The following TCF7L1 variants were observed in gnomAD, a reference collection of about 807,000 sequenced individuals.
The protein encoded by TCF7L1 is transcription factor 7 like 1, also known as transcription factor 7-like 1.
Under a neutral mutation model 63.7 loss-of-function variants are expected in TCF7L1, and 18 were observed. That is an observed-to-expected ratio of 0.28 (90% CI 0.20 to 0.42). TCF7L1 has a LOEUF of 0.42. Among genes scored for constraint, TCF7L1 ranks in the 10% least tolerant of loss-of-function variants. The pLI is 1.00. For synonymous variants in TCF7L1, 355 were observed against 340.9 expected, an observed-to-expected ratio of 1.04 and a Z score of -0.46; for missense variants, 654 against 779.3, an observed-to-expected ratio of 0.84 and a Z score of 1.91.
Position 85,134,066 on chromosome 2 carries a change from C to T in TCF7L1, c.300C>T (p.Asp100=). 2 of 1,610,378 alleles carry T rather than the reference C, an allele frequency of 1.2e-6. No individual in the cohort carries two copies. The highest frequency in any genetic ancestry group is 2.2e-5 in the South Asian group (2 of 90,584). ...GGGACACTTTCCAGAAGCCGCGGGA[C>T]TATTTCGCCGAAGGTATGTGCCCGC... ...PVRDTFQKPR[D]YFAEVRRPQD... is the part of the protein sequence containing the mutation. Residue 100 remains aspartate, a synonymous_variant, in exon 2 of 12, where the codon GAC becomes GAT. Coordinates refer to ENST00000282111, the MANE Select transcript of TCF7L1 (RefSeq NM_031283.3). The surrounding 1 kb of genome is among the most constrained non-coding windows in gnomAD (Gnocchi z 5.0).
intron 3 of TCF7L1, among the ~76,000 whole-genome samples, chr2:85,159,603 C>A (rs1678234114): frequency 1.3e-5 from 2 of 152,248 alleles, no homozygotes; most frequent in South Asian, 4.1e-4. Flanking sequence ...CCTGCCCTCT[C>A]CTTTGCTTGT....
rs1679713420 is a variant in TCF7L1, at chr2:85,216,436, TCGGAAACGATGGATTC to T, written c.442-67057_442-67042del. On this transcript the variant is annotated intron_variant, in intron 3 of 11. Transcript: ENST00000282111. ...TCGCGCCCTGCTGTGCTTGGAGTTT[TCGGAAACGATGGATTC>T]CAAACAACTTCCAGTGAGCAATTGG... Among the ~76,000 whole-genome samples, 3 of 152,320 alleles carry T rather than the reference TCGGAAACGATGGATTC, an allele frequency of 2.0e-5. No homozygotes were observed. The South Asian group carries it at 6.2e-4, about 32-fold the overall frequency.
chr2:85,160,305 A>G (rs1678255609), intron 3 of TCF7L1, among the ~76,000 whole-genome samples: 1 of 152,152 alleles, frequency 6.6e-6, no homozygotes, highest in Non-Finnish European at 1.5e-5. Flanking sequence ...CTTCTGATGT[A>G]GGATAAAGAC....
chr2:85,180,747 T>G (rs751342556), intron 3 of TCF7L1, among the ~76,000 whole-genome samples: 5 of 152,226 alleles, frequency 3.3e-5, no homozygotes, highest in Non-Finnish European at 7.3e-5. Context: ...TATCTGTATT[T>G]ATTCACTCGT....
intron 3 of TCF7L1, among the ~76,000 whole-genome samples, chr2:85,162,989 A>G (rs925964028): frequency 1.3e-5 from 2 of 152,184 alleles, no homozygotes; most frequent in African/African-American, 4.8e-5. Flanking sequence ...GACTCCAGGC[A>G]GCCCCAGAGC....
chr2:85,202,169 G>A (rs1679287335), intron 3 of TCF7L1, among the ~76,000 whole-genome samples: 1 of 151,920 alleles, frequency 6.6e-6, no homozygotes, highest in Admixed American at 6.5e-5. Flanking sequence ...TCACCGTGTT[G>A]GCCAGGCTGG....
chr2:85,140,284 G>T (rs577810222), intron 3 of TCF7L1, among the ~76,000 whole-genome samples: 2 of 152,276 alleles, frequency 1.3e-5, no homozygotes, highest in Non-Finnish European at 2.9e-5. Flanking sequence ...CTCATTGGGA[G>T]GAACCCTCGG....
chr2:85,197,702 A>G (rs61276534), intron 3 of TCF7L1, among the ~76,000 whole-genome samples: 13,314 of 152,272 alleles, frequency 0.087, 1,058 homozygotes, highest in African/African-American at 0.21. Context: ...GGATGCAGCA[A>G]AACACCTTTG....
chr2:85,303,004 A>G (rs921908569), intron 5 of TCF7L1, among the ~76,000 whole-genome samples: 4 of 152,162 alleles, frequency 2.6e-5, no homozygotes, highest in Admixed American at 6.5e-5. Flanking sequence ...CAGAAGTGCA[A>G]CCGTAAAGCA....
intron 4 of TCF7L1, among the ~76,000 whole-genome samples, chr2:85,299,203 C>T (rs1341773907): frequency 1.3e-5 from 2 of 151,992 alleles, no homozygotes; most frequent in African/African-American, 4.8e-5. Flanking sequence ...TTTGCTAATA[C>T]TATCACCAGT....
At chr2:85,137,675 C>T (rs1451731642) in intron 3 of TCF7L1, among the ~76,000 whole-genome samples, 5 of 152,040 alleles carry the variant, frequency 3.3e-5, no homozygotes, top group Non-Finnish European at 7.4e-5. Context: ...GGCGGATCAC[C>T]TGAGGTCGGG....
chr2:85,146,279 C>T (rs1677878286), intron 3 of TCF7L1, among the ~76,000 whole-genome samples: 1 of 152,064 alleles, frequency 6.6e-6, no homozygotes, highest in Non-Finnish European at 1.5e-5. Context: ...GAGTCACCTC[C>T]CCAGAAGGTG....
intron 3 of TCF7L1, among the ~76,000 whole-genome samples, chr2:85,225,703 T>C (rs1057032548): frequency 3.3e-5 from 5 of 152,246 alleles, no homozygotes; most frequent in Non-Finnish European, 7.3e-5. Context: ...TTTCTAAATA[T>C]ACAGTCATGT....
chr2:85,306,535 A>C lies in TCF7L1; in HGVS notation c.1233A>C (p.Pro411=). 6.2e-7 allele frequency: 1 copy of C among 1,614,202 alleles called. No homozygotes were observed. Among genetic ancestry groups the C allele is most frequent in the Middle Eastern group, 1.7e-4 (1 of 6,060 alleles). The change falls in exon 10 of 12, where the codon CCA becomes CCC. Residue 411 remains proline (P), a synonymous_variant. Coordinates refer to ENST00000282111, the MANE Select transcript of TCF7L1 (RefSeq NM_031283.3). The surrounding 1 kb of genome is among the most constrained non-coding windows in gnomAD (Gnocchi z 4.3). ...KERQLHSQLY[P]TWSARDNYGK... The stretch of plus-strand genomic sequence containing the variant: ...GGCAGCTTCACTCGCAGCTCTACCC[A>C]ACCTGGTCAGCCCGGGACAACTATG...
intron 3 of TCF7L1, among the ~76,000 whole-genome samples, chr2:85,279,312 A>G (rs961111797): frequency 6.6e-6 from 1 of 152,242 alleles, no homozygotes; most frequent in Non-Finnish European, 1.5e-5. Flanking sequence ...TAATCCCAGC[A>G]CTTTGCGAGA....
chr2:85,153,016 A>G (rs75506837), intron 3 of TCF7L1, among the ~76,000 whole-genome samples: 2,071 of 152,338 alleles, frequency 0.014, 37 homozygotes, highest in African/African-American at 0.047. Context: ...AGATTTGAAC[A>G]ATGCTTCGTT....
chr2:85,190,512 A>T (rs752064623), intron 3 of TCF7L1, among the ~76,000 whole-genome samples: 4 of 152,056 alleles, frequency 2.6e-5, no homozygotes, highest in Non-Finnish European at 5.9e-5. Flanking sequence ...AGATGTGGAG[A>T]TGGGAGAATG....
chr2:85,265,290 C>CT (rs1173290037), intron 3 of TCF7L1, among the ~76,000 whole-genome samples: 1 of 113,378 alleles, frequency 8.8e-6, no homozygotes, highest in Non-Finnish European at 2.1e-5. Context: ...TACCTGGGAG[C>CT]TTAAAAAAAA....
At chr2:85,216,271 C>G (rs1166303757) in intron 3 of TCF7L1, among the ~76,000 whole-genome samples, 1 of 152,152 alleles carries the variant, frequency 6.6e-6, no homozygotes, top group Admixed American at 6.5e-5. Flanking sequence ...TTTTTTCCCC[C>G]CATCCCCCAC....
Sources: allele counts gnomAD v4.1 joint callset (sites outside exome capture counted in the v4.1 genomes callset), GRCh38; gene constraint gnomAD v4.1.1; non-coding constraint Gnocchi (gnomAD v3.1); transcripts MANE v1.5; gene names NCBI Gene and HGNC (gene_info 2026-07-23, HGNC 2026-07-21).